Variants in TRAPPC9 observed in about 807,000 individuals in gnomAD.
TRAPPC9 encodes trafficking protein particle complex subunit 9.
Under a neutral mutation model 124.0 loss-of-function variants are expected in TRAPPC9, and 83 were observed. The observed-to-expected ratio is 0.67, with a 90% CI of 0.56 to 0.80. The LOEUF (loss-of-function observed/expected upper bound fraction) is 0.80. TRAPPC9 is among the 30% of genes least tolerant of loss of function. The pLI, the probability that TRAPPC9 is intolerant of heterozygous loss-of-function variation, is 0.00. For missense variants in TRAPPC9, 1,302 were observed against 1,508.3 expected (o/e 0.86, Z 2.27); for synonymous variants, 638 against 617.5 (o/e 1.03, Z -0.49).
At chr8:140,049,205 G>T (rs1841817863) in intron 17 of TRAPPC9, among the ~76,000 whole-genome samples, 1 of 152,222 alleles carries the variant, frequency 6.6e-6, no homozygotes, top group Non-Finnish European at 1.5e-5. Flanking sequence ...GACCTACTGA[G>T]GGCAGGGCCA....
In TRAPPC9 at chr8:139,825,417, G is replaced by A. The variant is rs1056950720; in HGVS notation, c.3055+60462C>T. ...ATGGCTGTGCAGGATAAGGAATGAC[G>A]GGCTGTGGGCCCAGGAAGTGCTTCC... is the stretch of plus-strand genomic sequence containing the variant. On this transcript the variant is annotated intron_variant, in intron 21 of 22. Transcript: ENST00000438773. This position sits in a 1 kb window ranked among gnomAD's most constrained non-coding sequence, Gnocchi z 4.6. Among the ~76,000 whole-genome samples, 7 of 152,190 alleles carry A rather than the reference G, an allele frequency of 4.6e-5. No individual in the cohort carries two copies. Among genetic ancestry groups the A allele is most frequent in the South Asian group, 2.1e-4 (1 of 4,828 alleles).
At chr8:139,740,810 C>A (rs1035883696) in intron 21 of TRAPPC9, among the ~76,000 whole-genome samples, 1 of 152,216 alleles carries the variant, frequency 6.6e-6, no homozygotes, top group Non-Finnish European at 1.5e-5. Flanking sequence ...CTCCGGCTGT[C>A]GTGACCCGTG....
intron 18 of TRAPPC9, among the ~76,000 whole-genome samples, chr8:140,006,724 G>A (rs796382142): frequency 7.9e-5 from 12 of 152,276 alleles, no homozygotes; most frequent in African/African-American, 2.9e-4. Flanking sequence ...AGTGAAAGAG[G>A]TTAGTCACTT....
In TRAPPC9 at chr8:140,207,674, C is replaced by T. The variant is rs374630570; in HGVS notation, c.2556+13785G>A. ...CCTGCGGATGAACTACCTGGTGCTTCGCGGTGACAGCGTCTTGCAAAGATT... is the reference window on the plus strand; with the variant it reads ...CCTGCGGATGAACTACCTGGTGCTTTGCGGTGACAGCGTCTTGCAAAGATT... On this transcript the variant is annotated intron_variant, in intron 17 of 22. Coordinates refer to ENST00000438773, the MANE Select transcript of TRAPPC9 (RefSeq NM_001160372.4). 4.5e-4 allele frequency among the ~76,000 whole-genome samples: 69 copies of T among 152,322 alleles called. 1 individual carries two copies. In the South Asian group the frequency reaches 0.013, roughly 30 times the overall value.
intron 16 of TRAPPC9, among the ~76,000 whole-genome samples, chr8:140,239,288 G>A (rs1030236590): frequency 2.0e-5 from 3 of 152,194 alleles, no homozygotes; most frequent in African/African-American, 4.8e-5. Flanking sequence ...GAGCACATGA[G>A]GACGTCTGGA....
At chr8:140,294,462 T>A (rs1395065753) in intron 11 of TRAPPC9, among the ~76,000 whole-genome samples, 1 of 152,180 alleles carries the variant, frequency 6.6e-6, no homozygotes, top group Non-Finnish European at 1.5e-5. Flanking sequence ...TGCCCTATCA[T>A]GGTCATGATG....
intron 17 of TRAPPC9, among the ~76,000 whole-genome samples, chr8:140,156,340 A>G (rs952344100): frequency 9.2e-5 from 14 of 152,244 alleles, no homozygotes; most frequent in Admixed American, 3.3e-4. Context: ...AACATCTTAA[A>G]GCCTCAGTTT....
chr8:140,412,158 G>A (rs1017847489), intron 5 of TRAPPC9, among the ~76,000 whole-genome samples: 1 of 152,068 alleles, frequency 6.6e-6, no homozygotes, highest in Non-Finnish European at 1.5e-5. Flanking sequence ...ACCAGTAATG[G>A]GACAAATGAA....
chr8:140,126,773 G>T (rs1421647074), intron 17 of TRAPPC9, among the ~76,000 whole-genome samples: 3 of 152,206 alleles, frequency 2.0e-5, no homozygotes, highest in Non-Finnish European at 4.4e-5. Context: ...ATGTGGAAGG[G>T]AAGCCTTGAA....
chr8:140,104,777 C>T lies in TRAPPC9; in HGVS notation c.2557-80698G>A, dbSNP rs1347225363. Among the ~76,000 whole-genome samples the T allele has an allele frequency of 1.3e-5, 2 of 152,244 alleles. No individual in the cohort carries two copies. The highest frequency in any genetic ancestry group is 1.3e-4 in the Admixed American group (2 of 15,292). On this transcript the variant is annotated intron_variant, in intron 17 of 22. Transcript: ENST00000438773. The surrounding 1 kb of genome is among the most constrained non-coding windows in gnomAD (Gnocchi z 4.0). ...AAGAACGGTTCACACCGACAAGGTA[C>T]TTCTTAAACATCCTTCTTGTGATTA...
chr8:140,409,827 G>C (rs1300108079), intron 5 of TRAPPC9, among the ~76,000 whole-genome samples: 1 of 152,100 alleles, frequency 6.6e-6, no homozygotes, highest in Admixed American at 6.6e-5. Flanking sequence ...ATAAGGGTAG[G>C]GAAATGAGGT....
intron 9 of TRAPPC9, among the ~76,000 whole-genome samples, chr8:140,358,260 G>A (rs2067814990): frequency 6.6e-6 from 1 of 152,184 alleles, no homozygotes. Flanking sequence ...AGGCTGGAGT[G>A]CAATGGCGCA....
At chr8:139,928,851 C>A (rs985779261) in intron 19 of TRAPPC9, among the ~76,000 whole-genome samples, 1 of 151,532 alleles carries the variant, frequency 6.6e-6, no homozygotes, top group African/African-American at 2.4e-5. Context: ...TAGGAAACCA[C>A]AGGTGTTTGG....
chr8:139,980,282 T>C (rs1836802199), intron 19 of TRAPPC9, among the ~76,000 whole-genome samples: 1 of 152,164 alleles, frequency 6.6e-6, no homozygotes, highest in African/African-American at 2.4e-5. Context: ...ATCTTCTCTG[T>C]TCACTAAGCG....
Position 139,965,360 on chromosome 8 carries a change from G to A in TRAPPC9, c.2810+23366C>T, listed in dbSNP as rs76165498. On this transcript the variant is annotated intron_variant, in intron 19 of 22. Coordinates refer to ENST00000438773, the MANE Select transcript of TRAPPC9 (RefSeq NM_001160372.4). Reference sequence around the variant, plus strand: ...TGAAAAGCCACCTTTTCCCCAGGATGACACCCTGGGGTGCTGCAGCAGCTC... The same window carrying A: ...TGAAAAGCCACCTTTTCCCCAGGATAACACCCTGGGGTGCTGCAGCAGCTC... Among the ~76,000 whole-genome samples, 1,290 of 152,280 alleles carry A rather than the reference G, an allele frequency of 8.5e-3. 26 individuals are homozygous for A. Among genetic ancestry groups the A allele is most frequent in the African/African-American group, 0.03 (1,245 of 41,552 alleles).
intron 9 of TRAPPC9, among the ~76,000 whole-genome samples, chr8:140,339,254 C>T (rs1269048819): frequency 6.6e-6 from 1 of 152,272 alleles, no homozygotes; most frequent in Non-Finnish European, 1.5e-5. Flanking sequence ...CCAACATCTG[C>T]ATTTCAGATC....
intron 21 of TRAPPC9, among the ~76,000 whole-genome samples, chr8:139,857,105 G>A (rs1320931986): frequency 7.8e-6 from 1 of 127,946 alleles, no homozygotes; most frequent in Non-Finnish European, 1.6e-5. Flanking sequence ...GGGCACTCCA[G>A]GCAGAAGGAA....
chr8:139,926,276 A>T (rs986602747), intron 19 of TRAPPC9, among the ~76,000 whole-genome samples: 8 of 152,214 alleles, frequency 5.3e-5, no homozygotes, highest in Admixed American at 5.2e-4. Context: ...AACTGGACTG[A>T]GGACCTGACA....
chr8:139,987,651 CA>C (rs1837327444), intron 19 of TRAPPC9, among the ~76,000 whole-genome samples: 1 of 152,068 alleles, frequency 6.6e-6, no homozygotes, highest in Non-Finnish European at 1.5e-5. Context: ...AAGTCTTCAG[CA>C]ATTAAAAATA....
Sources: gnomAD v4.1 joint callset for allele counts (sites outside exome capture counted in the v4.1 genomes callset) on GRCh38, gnomAD v4.1.1 for gene constraint, Gnocchi (gnomAD v3.1) non-coding constraint, MANE v1.5 for transcripts, NCBI Gene and HGNC (gene_info 2026-07-23, HGNC 2026-07-21) for gene names.